The following CROCC variants were observed in gnomAD, a reference collection of about 807,000 sequenced individuals.
CROCC encodes rootletin.
Under a neutral mutation model 245.2 loss-of-function variants are expected in CROCC, and 180 were observed. The ratio of observed to expected loss-of-function variants is 0.73; its 90% CI spans 0.65 to 0.83. The LOEUF is 0.83. Ranked by LOEUF, CROCC falls within the 40% of genes least tolerant of loss-of-function variation. The probability of loss-of-function intolerance (pLI) is 0.00; values close to 1 mark genes in which losing one functional copy is unlikely to be tolerated. For missense variants in CROCC, 2,688 were observed against 2,779.4 expected, an observed-to-expected ratio of 0.97 and a Z score of 0.74; for synonymous variants, 1,205 against 1,241.6, an observed-to-expected ratio of 0.97 and a Z score of 0.62.
intron 1 of CROCC, 126 bp downstream of exon 1, chr1:16,922,204 AG>A: frequency 2.0e-6 from 2 of 1,023,516 alleles, no homozygotes; most frequent in Non-Finnish European, 2.8e-6. Context: ...TGGGGTATAC[AG>A]GGGCCCCCCG....
upstream of CROCC, among the ~76,000 whole-genome samples, chr1:16,920,742 C>CTTT (rs33965029): frequency 0.014 from 1,932 of 135,286 alleles, 20 homozygotes; most frequent in East Asian, 0.11. Flanking sequence ...GGGACTGTGC[C>CTTT]TTTTTTTTTT....
intron 3 of CROCC, among the ~76,000 whole-genome samples, chr1:16,929,564 G>C (rs1251011245): frequency 7.8e-4 from 119 of 152,308 alleles, no homozygotes; most frequent in African/African-American, 2.8e-3. Flanking sequence ...AGGCCCCTGA[G>C]GTTGACCCAG....
rs1050216567 is a variant in CROCC at position 16,966,655 on chromosome 1, G to A, written c.4860+84G>A. The A allele has an allele frequency of 1.4e-5, 19 of 1,393,358 alleles. No individual in the cohort carries two copies. The highest frequency in any genetic ancestry group is 1.8e-5 in the Non-Finnish European group (19 of 1,067,142). The allele number at this position is 1,393,358 out of a possible 1,614,324, so 86.3% of individuals were successfully genotyped here. A position where few individuals can be genotyped will look rare whatever the true frequency, so the allele number is the denominator to read the frequency against. On this transcript the variant is annotated intron_variant, in intron 30 of 36. Coordinates refer to ENST00000375541, the MANE Select transcript of CROCC (RefSeq NM_014675.5). This position sits in a 1 kb window ranked among gnomAD's most constrained non-coding sequence, Gnocchi z 4.8. Reference sequence around the variant, plus strand: ...CTAACTCTTATGTGTGTCTCCCTGTGTCTGTCTGCCTGAGTCTCTCTGCAA... The same window carrying A: ...CTAACTCTTATGTGTGTCTCCCTGTATCTGTCTGCCTGAGTCTCTCTGCAA...
chr1:16,935,738 C>G (rs1042432494), intron 8 of CROCC, among the ~76,000 whole-genome samples: 1 of 152,264 alleles, frequency 6.6e-6, no homozygotes, highest in South Asian at 2.1e-4. Flanking sequence ...ACTGCTTTTT[C>G]TTGGCCACAG....
In CROCC at chr1:16,946,675, T is replaced by C. The variant is rs994204072; in HGVS notation, c.2284-86T>C. 7.5e-5 allele frequency: 101 copies of C among 1,354,906 alleles called. No individual in the cohort carries two copies. In the South Asian group the frequency reaches 1.2e-3, roughly 16 times the overall value. 83.9% of individuals were successfully genotyped at this position (1,354,906 alleles called of 1,614,324 possible). The stretch of plus-strand genomic sequence containing the variant: ...TTCCCTGGGAGCCTCCCCTGGGCTA[T>C]TGTTGCTGGTGGGTGGGTGGAGGAG... On this transcript the variant is annotated intron_variant, in intron 16 of 36. Coordinates refer to ENST00000375541, the MANE Select transcript of CROCC (RefSeq NM_014675.5).
rs372044238 is a variant in CROCC at position 16,948,405 on chromosome 1, G to A, written c.2589G>A (p.Ala863=). Residue 863 remains alanine, a synonymous_variant, in exon 18 of 37, where the codon GCG becomes GCA. Coordinates refer to ENST00000375541, the MANE Select transcript of CROCC (RefSeq NM_014675.5). ...GGGAGGCCCAGCGGCAAGTGGAGGC[G>A]CTGGAGCGAGCGGCCCGTGAGAAGG... ...ARREAQRQVE[A]LERAAREKEA... The A allele has an allele frequency of 9.1e-5, 144 of 1,574,886 alleles. No individual in the cohort carries two copies. Among genetic ancestry groups the A allele is most frequent in the East Asian group, 5.7e-4 (25 of 43,824 alleles).
At chr1:16,957,069 C>T (rs1371720415) in intron 25 of CROCC, among the ~76,000 whole-genome samples, 2 of 152,154 alleles carry the variant, frequency 1.3e-5, no homozygotes, top group African/African-American at 4.8e-5. Flanking sequence ...CCCAGGAGTT[C>T]GAGACCAGCC....
chr1:16,969,579 G>A (rs2076478385), intron 32 of CROCC, among the ~76,000 whole-genome samples: 1 of 152,222 alleles, frequency 6.6e-6, no homozygotes, highest in African/African-American at 2.4e-5. Flanking sequence ...CCCAGGGGCA[G>A]GGTTTATTGG....
At position 16,952,302 on chromosome 1, in the gene CROCC, G is replaced by A. The variant is rs573820724; in HGVS notation, c.3007-1000G>A. On this transcript the variant is annotated intron_variant, in intron 20 of 36. Coordinates refer to ENST00000375541, the MANE Select transcript of CROCC (RefSeq NM_014675.5). The stretch of plus-strand genomic sequence containing the variant: ...GATCGAGACCATCCTGGCTAACACA[G>A]TGAAACCCCATCTCTACTAAAAATC... Among the ~76,000 whole-genome samples, 3 of 151,934 alleles carry A rather than the reference G, an allele frequency of 2.0e-5. No homozygotes were observed. In the South Asian group the frequency reaches 6.2e-4, roughly 32 times the overall value.
chr1:16,915,765 A>G (rs1304699414), intron 1 of CROCC, among the ~76,000 whole-genome samples: 2 of 152,272 alleles, frequency 1.3e-5, no homozygotes, highest in African/African-American at 4.8e-5. Flanking sequence ...TTTTGAGCCA[A>G]AATCTGGCCG....
chr1:16,969,057 G>C, intron 31 of CROCC, 59 bp from the exon 32 acceptor site: 1 of 1,496,490 alleles, frequency 6.7e-7, no homozygotes, highest in Non-Finnish European at 9.1e-7. Context: ...CACAGTGGGA[G>C]CAGAGGTATA....
Position 16,966,227 on chromosome 1 carries a change from C to A in CROCC, c.4696+108C>A. Reference sequence around the variant, plus strand: ...TTGCCGTGGCCCCCATGACCTGACTCGGGGCTGTCTCCAAGAGGACCCTCC... The same window carrying A: ...TTGCCGTGGCCCCCATGACCTGACTAGGGGCTGTCTCCAAGAGGACCCTCC... On this transcript the variant is annotated intron_variant, in intron 29 of 36. Coordinates refer to ENST00000375541, the MANE Select transcript of CROCC (RefSeq NM_014675.5). This position sits in a 1 kb window ranked among gnomAD's most constrained non-coding sequence, Gnocchi z 4.8. 1 of 1,486,970 alleles carries A rather than the reference C, an allele frequency of 6.7e-7. No homozygotes were observed. Among genetic ancestry groups the A allele is most frequent in the Non-Finnish European group, 9.0e-7 (1 of 1,111,520 alleles). The allele number at this position is 1,486,970 out of a possible 1,614,324, so 92.1% of individuals were successfully genotyped here. A position where few individuals can be genotyped will look rare whatever the true frequency, so the allele number is the denominator to read the frequency against.
At chr1:16,956,637 G>A (rs1042074822) in intron 25 of CROCC, among the ~76,000 whole-genome samples, 3 of 151,918 alleles carry the variant, frequency 2.0e-5, no homozygotes, top group African/African-American at 4.8e-5. Context: ...TTTGTTTAGG[G>A]ACACTGAAAT....
chr1:16,971,687 T>C (rs998938503), intron 36 of CROCC, 40 bp downstream of exon 36: 14 of 1,433,246 alleles, frequency 9.8e-6, no homozygotes, highest in Middle Eastern at 2.1e-4. Flanking sequence ...AGGATGGATG[T>C]GTGGGGCTGC....
intron 27 of CROCC, among the ~76,000 whole-genome samples, chr1:16,961,903 G>A (rs1321386540): frequency 1.3e-5 from 2 of 152,064 alleles, no homozygotes; most frequent in East Asian, 3.9e-4. Flanking sequence ...CTGGACCGGG[G>A]GCTGGAGGGC....
In CROCC at chr1:16,922,775, A is replaced by C; in HGVS notation, c.173A>C (p.Asn58Thr). 1 of 1,613,132 alleles carries C rather than the reference A, an allele frequency of 6.2e-7. No homozygotes were observed. Among genetic ancestry groups the C allele is most frequent in the Non-Finnish European group, 8.5e-7 (1 of 1,179,786 alleles). ...CTTATCAGGGAGATTGTCACCCGCA[A>C]CCTCTCCCAGCCTGAGAGCCCAGGT... ...PALIREIVTR[N>T]LSQPESPVLL... The change falls in exon 2 of 37, where the codon AAC (asparagine) becomes ACC (threonine). Residue 58 changes from asparagine (N) to threonine (T), a missense_variant. Coordinates refer to ENST00000375541, the MANE Select transcript of CROCC (RefSeq NM_014675.5).
chr1:16,961,089 G>T lies in CROCC; in HGVS notation c.4364G>T (p.Arg1455Leu). The T allele has an allele frequency of 2.2e-6, 3 of 1,361,410 alleles. No homozygotes were observed. The highest frequency in any genetic ancestry group is 1.7e-5 in the South Asian group (1 of 58,430). 84.3% of individuals were successfully genotyped at this position (1,361,410 alleles called of 1,614,324 possible). A position where few individuals can be genotyped will look rare whatever the true frequency, so the allele number is the denominator to read the frequency against. The change falls in exon 27 of 37, where the codon CGG (arginine) becomes CTG (leucine). Residue 1455 changes from arginine to leucine, a missense_variant. Arg to Leu is a moderately radical substitution (Grantham distance 102). This residue lies in a region of CROCC where 1,218 missense variants were observed against 1,286.3 expected (regional missense o/e 0.95). Transcript: ENST00000375541. ...GLGRAPSPAPRPVPGSPARDA... is the reference protein window; with the variant it reads ...GLGRAPSPAPLPVPGSPARDA... Reference sequence around the variant, plus strand: ...GGTCGCGCGCCCAGCCCAGCCCCGCGGCCAGTGCCCGGTTCCCCTGCCCGG... The same window carrying T: ...GGTCGCGCGCCCAGCCCAGCCCCGCTGCCAGTGCCCGGTTCCCCTGCCCGG...
chr1:16,916,390 T>C (rs1345109937), intron 1 of CROCC, among the ~76,000 whole-genome samples: 3 of 152,368 alleles, frequency 2.0e-5, no homozygotes, highest in African/African-American at 7.2e-5. Context: ...CAGGGAAGCA[T>C]AGAGACCCTC....
chr1:16,946,145 C>T (rs1363360548), intron 15 of CROCC, 114 bp from the exon 16 acceptor site: 3 of 1,229,940 alleles, frequency 2.4e-6, no homozygotes, highest in Non-Finnish European at 3.4e-6. Flanking sequence ...GTGTCCCCTC[C>T]TTGTCTCCCC....
Sources: allele counts gnomAD v4.1 joint callset (sites outside exome capture counted in the v4.1 genomes callset), GRCh38; gene constraint gnomAD v4.1.1; regional missense constraint gnomAD v4.1.1; non-coding constraint Gnocchi (gnomAD v3.1); transcripts MANE v1.5; gene names NCBI Gene and HGNC (gene_info 2026-07-23, HGNC 2026-07-21).